Variants in ASXL3 observed in about 807,000 individuals in gnomAD.
The protein encoded by ASXL3 is ASXL transcriptional regulator 3, also known as putative Polycomb group protein ASXL3.
ASXL3 carries 34 observed loss-of-function variants against 170.6 expected under a neutral mutation model. That is an observed-to-expected ratio of 0.20 (90% CI 0.15 to 0.27). The LOEUF is 0.27. ASXL3 is among the 10% of genes least tolerant of loss of function. ASXL3 has a pLI of 1.00. For missense variants in ASXL3, 2,592 were observed against 2,695.3 expected (o/e 0.96, Z 0.85); for synonymous variants, 1,002 against 989.1 (o/e 1.01, Z -0.24).
At position 33,743,737 on chromosome 18, in the gene ASXL3, C is replaced by A; in HGVS notation, c.3889C>A (p.Pro1297Thr). ...GTDTPCIAII[P>T]KCIESTPISA... ...TGACACTCCATGCATAGCCATTATACCAAAATGTATTGAAAGCACTCCCAT... is the reference window on the plus strand; with the variant it reads ...TGACACTCCATGCATAGCCATTATAACAAAATGTATTGAAAGCACTCCCAT... The change falls in exon 12 of 12, where the codon CCA becomes ACA. Residue 1297 changes from proline (P) to threonine (T), a missense_variant. Pro to Thr is a conservative substitution (Grantham distance 38). Around this residue, in one of 4 missense-constraint regions of ASXL3, gnomAD observed 2,246 missense variants for 2,219.6 expected, o/e 1.01. Coordinates refer to ENST00000269197, the MANE Select transcript of ASXL3 (RefSeq NM_030632.3). The A allele has an allele frequency of 6.2e-7, 1 of 1,613,878 alleles. No individual in the cohort carries two copies. The highest frequency in any genetic ancestry group is 1.1e-5 in the South Asian group (1 of 91,084).
At position 33,750,121 on chromosome 18, in the gene ASXL3, CCT is replaced by C. The variant is rs2067861562; in HGVS notation, c.*3527_*3528del. On this transcript the variant is annotated 3_prime_UTR_variant, in exon 12 of 12. Transcript: ENST00000269197. ...GGTAGCTGCCTAGTGGGAATGACCCCCTGAGCATGCAGAGCCCAGAGTCACTG... is the reference window on the plus strand; with the variant it reads ...GGTAGCTGCCTAGTGGGAATGACCCCGAGCATGCAGAGCCCAGAGTCACTG... 1 of 152,282 alleles carries C rather than the reference CCT, an allele frequency of 6.6e-6. No homozygotes were observed. The highest frequency in any genetic ancestry group is 6.5e-5 in the Admixed American group (1 of 15,278). The allele number at this position is 152,282 out of a possible 1,614,324, so 9.4% of individuals were successfully genotyped here. A position where few individuals can be genotyped will look rare whatever the true frequency, so the allele number is the denominator to read the frequency against.
intron 5 of ASXL3, among the ~76,000 whole-genome samples, chr18:33,668,544 T>C (rs2066293960): frequency 6.6e-6 from 1 of 151,970 alleles, no homozygotes; most frequent in Non-Finnish European, 1.5e-5. Flanking sequence ...TAAGAAATAG[T>C]CAGGTTGTCT....
Position 33,681,503 on chromosome 18 carries a change from G to T in ASXL3, c.716-1902G>T, listed in dbSNP as rs116978131. ...ACAGTTTCTCTTGCCCTTTTGAAGA[G>T]ATGTCACTGTCTTTATTGATTTATT... On this transcript the variant is annotated intron_variant, in intron 7 of 11. Transcript: ENST00000269197. Among the ~76,000 whole-genome samples, 1,443 of 152,058 alleles carry T rather than the reference G, an allele frequency of 9.5e-3. 69 individuals are homozygous for T. Among genetic ancestry groups the T allele is most frequent in the Admixed American group, 0.076 (1,167 of 15,268 alleles).
At chr18:33,607,021 C>G (rs7227291) in intron 1 of ASXL3, among the ~76,000 whole-genome samples, 85,961 of 151,714 alleles carry the variant, frequency 0.57, 25,391 homozygotes, top group African/African-American at 0.71. Context: ...TAGGCTAAAT[C>G]GGAAGAGGAA....
Position 33,750,967 on chromosome 18 carries a change from T to C in ASXL3, c.*4372T>C, listed in dbSNP as rs971151773. ...TTAAGAAAATTTTTAGACAGTGTTT[T>C]GTTTAGAATTCAGGGATCATGCATT... On this transcript the variant is annotated 3_prime_UTR_variant, in exon 12 of 12. Coordinates refer to ENST00000269197, the MANE Select transcript of ASXL3 (RefSeq NM_030632.3). 4 of 152,218 alleles carry C rather than the reference T, an allele frequency of 2.6e-5. No homozygotes were observed. The highest frequency in any genetic ancestry group is 9.6e-5 in the African/African-American group (4 of 41,468). The allele number at this position is 152,218 out of a possible 1,614,324, so 9.4% of individuals were successfully genotyped here.
chr18:33,715,605 A>G (rs1255426559), intron 8 of ASXL3, among the ~76,000 whole-genome samples: 1 of 152,136 alleles, frequency 6.6e-6, no homozygotes, highest in African/African-American at 2.4e-5. Flanking sequence ...CTAAAACATC[A>G]TATTTGTGTG....
rs557782519 is a variant in ASXL3, at chr18:33,655,411, T to G, written c.356-6205T>G. On this transcript the variant is annotated intron_variant, in intron 4 of 11. Coordinates refer to ENST00000269197, the MANE Select transcript of ASXL3 (RefSeq NM_030632.3). The stretch of plus-strand genomic sequence containing the variant: ...CAGTGCTTGTAATTTTTAGACTCCA[T>G]GTCCTTTGAAAGGGTCTTAGGAAAA... Among the ~76,000 whole-genome samples the G allele has an allele frequency of 2.6e-5, 4 of 152,166 alleles. No homozygotes were observed. In the South Asian group the frequency reaches 8.3e-4, roughly 32 times the overall value.
chr18:33,638,573 A>G (rs1195643276), intron 2 of ASXL3, among the ~76,000 whole-genome samples: 2 of 152,190 alleles, frequency 1.3e-5, no homozygotes, highest in African/African-American at 4.8e-5. Context: ...ATATTTGCTT[A>G]AGTGTTCAAG....
intron 8 of ASXL3, among the ~76,000 whole-genome samples, chr18:33,689,279 C>G (rs914696881): frequency 6.6e-6 from 1 of 152,212 alleles, no homozygotes; most frequent in African/African-American, 2.4e-5. Context: ...CAGGCATTAG[C>G]CACCGCGCTC....
intron 8 of ASXL3, among the ~76,000 whole-genome samples, chr18:33,709,207 T>C (rs1449649833): frequency 2.0e-5 from 3 of 152,038 alleles, no homozygotes; most frequent in Non-Finnish European, 4.4e-5. Context: ...GAACTGCTTC[T>C]TTGAAAAATG....
chr18:33,637,913 A>C (rs2065792716), intron 2 of ASXL3, among the ~76,000 whole-genome samples: 1 of 152,086 alleles, frequency 6.6e-6, no homozygotes, highest in South Asian at 2.1e-4. Flanking sequence ...GTATTCAGAA[A>C]ATTTAGTTCA....
In ASXL3 at chr18:33,745,618, G is replaced by A; in HGVS notation, c.5770G>A (p.Gly1924Ser). The change falls in exon 12 of 12, where the codon GGT (glycine) becomes AGT (serine). Residue 1924 changes from glycine to serine, a missense_variant. This residue lies in a region of ASXL3 where 2,246 missense variants were observed against 2,219.6 expected (regional missense o/e 1.01). Coordinates refer to ENST00000269197, the MANE Select transcript of ASXL3 (RefSeq NM_030632.3). ...DKNGGFHTDA[G>S]TSHRQQFYQM... is the part of the protein sequence containing the mutation. Reference sequence around the variant, plus strand: ...GAATGGCGGCTTCCACACTGACGCTGGTACCTCACACAGACAGCAGTTTTA... The same window carrying A: ...GAATGGCGGCTTCCACACTGACGCTAGTACCTCACACAGACAGCAGTTTTA... 1 of 1,613,948 alleles carries A rather than the reference G, an allele frequency of 6.2e-7. No homozygotes were observed. The highest frequency in any genetic ancestry group is 1.1e-5 in the South Asian group (1 of 91,080).
At chr18:33,717,499 C>T (rs1283048098) in intron 8 of ASXL3, among the ~76,000 whole-genome samples, 1 of 152,102 alleles carries the variant, frequency 6.6e-6, no homozygotes, top group Admixed American at 6.6e-5. Flanking sequence ...CTTACTTCCT[C>T]ATTTGAATAA....
Position 33,644,910 on chromosome 18 carries a change from G to C in ASXL3, c.154G>C (p.Ala52Pro). The C allele has an allele frequency of 6.4e-7, 1 of 1,574,134 alleles. No individual in the cohort carries two copies. The highest frequency in any genetic ancestry group is 8.6e-7 in the Non-Finnish European group (1 of 1,157,390). ...ATTTTCTAGTGGAACCTCTCCATTA[G>C]CCTGTCTGAATGCAATGCTTCACAC... ...LKETSGTSPL[A>P]CLNAMLHTNT... The change falls in exon 3 of 12, where the codon GCC becomes CCC. Residue 52 changes from alanine (A) to proline (P), a missense_variant. Around this residue, in one of 4 missense-constraint regions of ASXL3, gnomAD observed 251 missense variants for 281.9 expected, o/e 0.89. Coordinates refer to ENST00000269197, the MANE Select transcript of ASXL3 (RefSeq NM_030632.3).
chr18:33,585,122 C>T (rs1314308566), intron 1 of ASXL3, among the ~76,000 whole-genome samples: 2 of 151,868 alleles, frequency 1.3e-5, no homozygotes, highest in African/African-American at 4.8e-5. Context: ...TCCTTCCTTC[C>T]CTCTTTTCCT....
chr18:33,700,635 C>T (rs1190864722), intron 8 of ASXL3, among the ~76,000 whole-genome samples: 2 of 152,078 alleles, frequency 1.3e-5, no homozygotes, highest in South Asian at 2.1e-4. Context: ...GAAAGCAGCA[C>T]ATCAGGCTAC....
At chr18:33,602,377 A>G (rs924977316) in intron 1 of ASXL3, among the ~76,000 whole-genome samples, 1 of 152,114 alleles carries the variant, frequency 6.6e-6, no homozygotes, top group African/African-American at 2.4e-5. Context: ...TTCATCCAGC[A>G]GCCACATATG....
Position 33,744,960 on chromosome 18 carries a change from AAC to A in ASXL3, c.5116_5117del (p.Gln1706GlufsTer40). 1.2e-6 allele frequency: 2 copies of A among 1,613,968 alleles called. No individual in the cohort carries two copies. Among genetic ancestry groups the A allele is most frequent in the Non-Finnish European group, 1.7e-6 (2 of 1,179,892 alleles). Reference protein sequence around the residue: ...AAEGASSVQQTQNMKASTSSP... With the variant: ...AAEGASSVQQXQNMKASTSSP... ...CAGAGGGAGCCTCTAGTGTACAACAAACACAGAACATGAAAGCTTCCACCTCA... is the reference window on the plus strand; with the variant it reads ...CAGAGGGAGCCTCTAGTGTACAACAAACAGAACATGAAAGCTTCCACCTCA... On this transcript the variant is annotated frameshift_variant, in exon 12 of 12. Coordinates refer to ENST00000269197, the MANE Select transcript of ASXL3 (RefSeq NM_030632.3). LOFTEE classifies it high-confidence loss of function.
At chr18:33,629,857 A>G (rs1224863249) in intron 2 of ASXL3, among the ~76,000 whole-genome samples, 1 of 152,112 alleles carries the variant, frequency 6.6e-6, no homozygotes, top group African/African-American at 2.4e-5. Flanking sequence ...ATTAATATGT[A>G]TGTATAATTT....
Sources: gnomAD v4.1 joint callset for allele counts (sites outside exome capture counted in the v4.1 genomes callset) on GRCh38, gnomAD v4.1.1 for gene constraint, gnomAD v4.1.1 regional missense constraint, MANE v1.5 for transcripts, NCBI Gene and HGNC (gene_info 2026-07-23, HGNC 2026-07-21) for gene names.